LRCH1: variants seen among roughly 807,000 people sequenced by gnomAD.
LRCH1 encodes the protein leucine-rich repeat and calponin homology domain-containing protein 1.
LRCH1 carries 23 observed loss-of-function variants against 94.9 expected under a neutral mutation model. That is an observed-to-expected ratio of 0.24 (90% confidence interval 0.17 to 0.34). The LOEUF is 0.34. Among genes scored for constraint, LRCH1 ranks in the 10% least tolerant of loss-of-function variants. The pLI, the probability that LRCH1 is intolerant of heterozygous loss-of-function variation, is 1.00. For missense variants in LRCH1, 790 were observed against 945.9 expected (o/e 0.84, Z 2.16); for synonymous variants, 364 against 354.9 (o/e 1.03, Z -0.29).
chr13:46,637,423 C>T (rs2051104917), intron 1 of LRCH1, among the ~76,000 whole-genome samples: 1 of 152,216 alleles, frequency 6.6e-6, no homozygotes. Context: ...TGGCCGAAAG[C>T]TCTATGTGAT....
At chr13:46,597,357 AG>A (rs1243380111) in intron 1 of LRCH1, among the ~76,000 whole-genome samples, 1 of 151,622 alleles carries the variant, frequency 6.6e-6, no homozygotes, top group Non-Finnish European at 1.5e-5. Context: ...ACTGTCCAGT[AG>A]GACTTTTTTT....
chr13:46,733,061 T>A (rs567435839), intron 18 of LRCH1, among the ~76,000 whole-genome samples: 131 of 152,320 alleles, frequency 8.6e-4, no homozygotes, highest in African/African-American at 3.0e-3. Flanking sequence ...CGGAATGAAT[T>A]CCGTCATTCT....
At chr13:46,712,816 C>G (rs951958109) in intron 15 of LRCH1, among the ~76,000 whole-genome samples, 1 of 151,988 alleles carries the variant, frequency 6.6e-6, no homozygotes, top group African/African-American at 2.4e-5. Flanking sequence ...CGTTTGAATC[C>G]GAGCAAAGAA....
At chr13:46,607,537 TAG>T (rs2050700814) in intron 1 of LRCH1, among the ~76,000 whole-genome samples, 1 of 152,202 alleles carries the variant, frequency 6.6e-6, no homozygotes, top group Admixed American at 6.5e-5. Context: ...GATGAATAAA[TAG>T]AGTCAGTGAG....
At chr13:46,704,927 T>C (rs2138186825) in intron 11 of LRCH1, 141 bp from the exon 12 acceptor site, 1 of 527,976 alleles carries the variant, frequency 1.9e-6, no homozygotes, top group African/African-American at 2.0e-5. Flanking sequence ...GAAATTTCTG[T>C]CATAAACTTT....
intron 1 of LRCH1, among the ~76,000 whole-genome samples, chr13:46,577,187 C>G (rs779325774): frequency 6.6e-6 from 1 of 152,186 alleles, no homozygotes; most frequent in African/African-American, 2.4e-5. Flanking sequence ...ACCTCCACCT[C>G]CAGAGTTCAA....
In LRCH1 at chr13:46,619,308, G is replaced by A. The variant is rs191225410; in HGVS notation, c.308-30893G>A. ...GTATTTTTAGTCGAGATGGGGTTTC[G>A]CCACATTGGCCAGGCTGGTCTCGGA... On this transcript the variant is annotated intron_variant, in intron 1 of 19. Transcript: ENST00000389797. Among the ~76,000 whole-genome samples, 472 of 152,006 alleles carry A rather than the reference G, an allele frequency of 3.1e-3. 3 individuals carry two copies. The highest frequency in any genetic ancestry group is 0.02 in the South Asian group (94 of 4,810).
chr13:46,718,561 G>A (rs1872440202), intron 16 of LRCH1, among the ~76,000 whole-genome samples: 1 of 152,196 alleles, frequency 6.6e-6, no homozygotes, highest in South Asian at 2.1e-4. Context: ...TGGTGTTCAA[G>A]TAAGGTTGAC....
intron 1 of LRCH1, among the ~76,000 whole-genome samples, chr13:46,591,826 T>C (rs1446778574): frequency 6.6e-6 from 1 of 152,254 alleles, no homozygotes; most frequent in Non-Finnish European, 1.5e-5. Flanking sequence ...CTCTTCCTAC[T>C]GTAATTATAG....
At chr13:46,700,042 A>C (rs1871383908) in intron 10 of LRCH1, among the ~76,000 whole-genome samples, 2 of 152,236 alleles carry the variant, frequency 1.3e-5, no homozygotes, top group African/African-American at 4.8e-5. Context: ...TACCAGACAG[A>C]TAATCCTTCT....
chr13:46,574,476 G>A (rs1475341320), intron 1 of LRCH1, among the ~76,000 whole-genome samples: 1 of 152,168 alleles, frequency 6.6e-6, no homozygotes, highest in East Asian at 1.9e-4. Context: ...GTCAATGCAA[G>A]GGAAGAACGG....
At chr13:46,603,382 C>T (rs573010799) in intron 1 of LRCH1, among the ~76,000 whole-genome samples, 5 of 152,186 alleles carry the variant, frequency 3.3e-5, no homozygotes, top group South Asian at 4.2e-4. Context: ...TTCTGTCAGC[C>T]GCCCTCCTTA....
At chr13:46,600,031 T>C (rs559750493) in intron 1 of LRCH1, among the ~76,000 whole-genome samples, 2 of 152,348 alleles carry the variant, frequency 1.3e-5, no homozygotes, top group South Asian at 4.1e-4. Flanking sequence ...CTTTGTTGTA[T>C]TAAAAAATAG....
intron 1 of LRCH1, among the ~76,000 whole-genome samples, chr13:46,641,309 T>C (rs774021709): frequency 6.6e-5 from 10 of 152,178 alleles, no homozygotes; most frequent in Admixed American, 3.3e-4. Context: ...AGATCCTACC[T>C]CTACCCAAGG....
intron 1 of LRCH1, among the ~76,000 whole-genome samples, chr13:46,582,598 C>T (rs1670138403): frequency 2.8e-5 from 4 of 145,104 alleles, no homozygotes; most frequent in Admixed American, 1.4e-4. Context: ...GATCCTCCCA[C>T]CTTAGCCTCC....
intron 7 of LRCH1, among the ~76,000 whole-genome samples, chr13:46,691,428 C>A (rs1209378945): frequency 1.3e-5 from 2 of 152,174 alleles, no homozygotes; most frequent in Admixed American, 1.3e-4. Context: ...GCTTCCTCAG[C>A]CTAAAACAGA....
At chr13:46,709,907 A>G (rs1410431221) in intron 13 of LRCH1, among the ~76,000 whole-genome samples, 1 of 152,240 alleles carries the variant, frequency 6.6e-6, no homozygotes, top group African/African-American at 2.4e-5. Flanking sequence ...TAGTGAATTC[A>G]CAGGGCCAGT....
At chr13:46,683,706 T>G (rs1870458332) in intron 4 of LRCH1, among the ~76,000 whole-genome samples, 2 of 152,236 alleles carry the variant, frequency 1.3e-5, no homozygotes, top group African/African-American at 4.8e-5. Context: ...TCACAAAATC[T>G]AGATTTTTGT....
chr13:46,688,080 T>A (rs1355462942), intron 6 of LRCH1, 101 bp downstream of exon 6: 2 of 1,222,534 alleles, frequency 1.6e-6, no homozygotes, highest in East Asian at 2.6e-5. Flanking sequence ...GTCACCATGG[T>A]ATCTGCAGAA....
Sources: gnomAD v4.1 joint callset for allele counts (sites outside exome capture counted in the v4.1 genomes callset) on GRCh38, gnomAD v4.1.1 for gene constraint, MANE v1.5 for transcripts, NCBI Gene and HGNC (gene_info 2026-07-23, HGNC 2026-07-21) for gene names.